The following CFH variants were observed in gnomAD, a reference collection of about 807,000 sequenced individuals.
The protein encoded by CFH is H factor 1 (complement).
A neutral mutation model predicts 147.3 loss-of-function variants in CFH; 53 were observed. The observed-to-expected ratio is 0.36, with a 90% CI of 0.29 to 0.45. CFH has a LOEUF of 0.45. Among genes scored for constraint, CFH ranks in the 20% least tolerant of loss-of-function variants. CFH has a pLI of 1.00. For missense variants in CFH, 1,380 were observed against 1,498.0 expected (o/e 0.92, Z 1.30); for synonymous variants, 536 against 489.4 (o/e 1.10, Z -1.26).
chr1:196,726,684 T>A, intron 13 of CFH, 32 bp downstream of exon 13: 1 of 1,606,726 alleles, frequency 6.2e-7, no homozygotes, highest in Non-Finnish European at 8.5e-7. Flanking sequence ...TTTAAACTTG[T>A]CAAAACTTTT....
At chr1:196,705,979 C>T (rs1668574283) in intron 9 of CFH, among the ~76,000 whole-genome samples, 2 of 152,290 alleles carry the variant, frequency 1.3e-5, no homozygotes, top group South Asian at 4.1e-4. Context: ...TTCAACCAGA[C>T]ATGACCAAAA....
At chr1:196,662,532 G>A (rs1666943629) in intron 1 of CFH, among the ~76,000 whole-genome samples, 1 of 151,952 alleles carries the variant, frequency 6.6e-6, no homozygotes. Context: ...TCAGTTTTCT[G>A]AAATATATCT....
intron 11 of CFH, among the ~76,000 whole-genome samples, chr1:196,723,943 C>G (rs1669064018): frequency 6.6e-6 from 1 of 151,994 alleles, no homozygotes. Flanking sequence ...GGGACATGTT[C>G]CCCTCTCTAC....
Position 196,740,638 on chromosome 1 carries a change from A to G in CFH, c.2802A>G (p.Pro934=). 6.2e-7 allele frequency: 1 copy of G among 1,613,592 alleles called. No individual in the cohort carries two copies. Among genetic ancestry groups the G allele is most frequent in the South Asian group, 1.1e-5 (1 of 91,020 alleles). The change falls in exon 18 of 22, where the codon CCA becomes CCG. Residue 934 remains proline (P), a synonymous_variant. Transcript: ENST00000367429. ...TTTTAGGCCTTCCTTGTAAATCTCC[A>G]CCTGAGATTTCTCATGGTGTTGTAG... ...PQCEGLPCKS[P]PEISHGVVAH... is the part of the protein sequence containing the mutation.
intron 1 of CFH, among the ~76,000 whole-genome samples, chr1:196,656,153 A>G (rs1038708843): frequency 1.3e-5 from 2 of 151,986 alleles, no homozygotes. Flanking sequence ...AAAATACAAA[A>G]ATTAGCCAGG....
At chr1:196,723,207 T>C (rs1669044093) in intron 11 of CFH, among the ~76,000 whole-genome samples, 1 of 152,190 alleles carries the variant, frequency 6.6e-6, no homozygotes, top group Admixed American at 6.5e-5. Context: ...CTATCCCTTC[T>C]TATTTTTAAG....
At chr1:196,690,599 G>T (rs1270553796) in intron 9 of CFH, among the ~76,000 whole-genome samples, 1 of 152,076 alleles carries the variant, frequency 6.6e-6, no homozygotes, top group Non-Finnish European at 1.5e-5. Context: ...CACACAAGGA[G>T]TGAGTTTAGG....
intron 9 of CFH, among the ~76,000 whole-genome samples, chr1:196,705,773 C>G (rs1668570649): frequency 6.6e-6 from 1 of 152,102 alleles, no homozygotes; most frequent in Non-Finnish European, 1.5e-5. Context: ...TAACCTAGCA[C>G]TGTACACACC....
intron 15 of CFH, among the ~76,000 whole-genome samples, chr1:196,733,673 C>G (rs928578165): frequency 6.6e-6 from 1 of 152,024 alleles, no homozygotes; most frequent in African/African-American, 2.4e-5. Context: ...ACTCCCAGAA[C>G]TAAGAGCTTT....
At chr1:196,694,409 G>A (rs975531420) in intron 9 of CFH, among the ~76,000 whole-genome samples, 3 of 152,172 alleles carry the variant, frequency 2.0e-5, no homozygotes, top group Non-Finnish European at 4.4e-5. Flanking sequence ...TATCATTGAT[G>A]GGCATTTGGG....
Position 196,719,793 on chromosome 1 carries a change from T to C in CFH, c.1696+4024T>C, listed in dbSNP as rs575816499. Reference sequence around the variant, plus strand: ...ATTTATTAAACATTGATATAAATAGTACATATAACAAAAATTGTTATATGT... The same window carrying C: ...ATTTATTAAACATTGATATAAATAGCACATATAACAAAAATTGTTATATGT... On this transcript the variant is annotated intron_variant, in intron 11 of 21. Transcript: ENST00000367429. Among the ~76,000 whole-genome samples the C allele has an allele frequency of 2.3e-3, 354 of 151,858 alleles. 4 individuals carry two copies. Among genetic ancestry groups the C allele is most frequent in the African/African-American group, 7.9e-3 (328 of 41,560 alleles).
At chr1:196,729,747 T>C (rs1669237444) in intron 15 of CFH, among the ~76,000 whole-genome samples, 1 of 151,998 alleles carries the variant, frequency 6.6e-6, no homozygotes, top group African/African-American at 2.4e-5. Context: ...AAACATTTTA[T>C]TACTGACTTA....
chr1:196,744,275 A>G (rs1652926347), intron 20 of CFH, among the ~76,000 whole-genome samples: 1 of 151,620 alleles, frequency 6.6e-6, no homozygotes, highest in Non-Finnish European at 1.5e-5. Flanking sequence ...ATATCCATTC[A>G]TCCTTTCATG....
intron 8 of CFH, among the ~76,000 whole-genome samples, 163 bp from the exon 9 acceptor site, chr1:196,689,900 T>A (rs557940634): frequency 6.6e-6 from 1 of 152,262 alleles, no homozygotes; most frequent in African/African-American, 2.4e-5. Context: ...TTTCTTTTTG[T>A]GCAAACCTTT....
At chr1:196,685,621 A>G (rs951406083) in intron 7 of CFH, among the ~76,000 whole-genome samples, 5 of 152,138 alleles carry the variant, frequency 3.3e-5, no homozygotes, top group Non-Finnish European at 1.5e-5. Flanking sequence ...AGTAATCTCA[A>G]AATGGCTTAT....
rs1244820831 is a variant in CFH, at chr1:196,690,239, A to C, written c.1336A>C (p.Lys446Gln). ...WSPTPRCIRV[K>Q]TCSKSSIDIE... ...TCCTACTCCCAGATGCATCCGTGTC[A>C]GTAAGTACACTACTCTGAAATCCTA... Residue 446 changes from lysine to glutamine, a missense_variant and splice_region_variant, in exon 9 of 22, where the codon AAA becomes CAA. Lys to Gln is a moderately conservative substitution (Grantham distance 53, BLOSUM62 1). Coordinates refer to ENST00000367429, the MANE Select transcript of CFH (RefSeq NM_000186.4). 4.3e-6 allele frequency: 7 copies of C among 1,613,226 alleles called. No homozygotes were observed. The African/African-American group carries it at 8.0e-5, about 18-fold the overall frequency.
chr1:196,698,502 C>T (rs1203179043), intron 9 of CFH, among the ~76,000 whole-genome samples: 4 of 152,188 alleles, frequency 2.6e-5, no homozygotes, highest in Non-Finnish European at 4.4e-5. Flanking sequence ...GACACATACA[C>T]GCTCCCAACA....
At chr1:196,653,936 G>A (rs916303444) in intron 1 of CFH, among the ~76,000 whole-genome samples, 1 of 152,004 alleles carries the variant, frequency 6.6e-6, no homozygotes. Context: ...TAATGCAAAA[G>A]CCAATGGAGA....
At chr1:196,733,854 T>C (rs1171176386) in intron 15 of CFH, among the ~76,000 whole-genome samples, 1 of 152,078 alleles carries the variant, frequency 6.6e-6, no homozygotes, top group African/African-American at 2.4e-5. Flanking sequence ...GCAAGTTTTT[T>C]AGAATTCAGA....
Sources: allele counts gnomAD v4.1 joint callset (sites outside exome capture counted in the v4.1 genomes callset), GRCh38; gene constraint gnomAD v4.1.1; transcripts MANE v1.5; gene names NCBI Gene and HGNC (gene_info 2026-07-23, HGNC 2026-07-21).